Variants in TRAPPC9 observed in about 807,000 individuals in gnomAD.
TRAPPC9 encodes IKK2 binding protein.
A neutral mutation model predicts 124.0 loss-of-function variants in TRAPPC9; 83 were observed. The observed-to-expected ratio is 0.67, with a 90% CI of 0.56 to 0.80. The LOEUF (loss-of-function observed/expected upper bound fraction) is 0.80, where lower values mean the gene tolerates loss of function less well. Among genes scored for constraint, TRAPPC9 ranks in the 30% least tolerant of loss-of-function variants. The pLI is 0.00. For synonymous variants in TRAPPC9, 638 were observed against 617.5 expected (o/e 1.03, Z -0.49); for missense variants, 1,302 against 1,508.3 (o/e 0.86, Z 2.27).
chr8:140,022,720 C>T (rs545795317), intron 18 of TRAPPC9, among the ~76,000 whole-genome samples: 1 of 152,312 alleles, frequency 6.6e-6, no homozygotes, highest in South Asian at 2.1e-4. Flanking sequence ...GGCCAAGCTT[C>T]CCCAGGGGCA....
intron 21 of TRAPPC9, among the ~76,000 whole-genome samples, chr8:139,761,371 CT>C (rs1820206806): frequency 6.6e-6 from 1 of 152,300 alleles, no homozygotes; most frequent in East Asian, 1.9e-4. Context: ...GGACATGAAG[CT>C]TGTTTAATCC....
chr8:140,444,211 C>CAA (rs35984317), intron 2 of TRAPPC9, among the ~76,000 whole-genome samples: 168 of 66,648 alleles, frequency 2.5e-3, no homozygotes, highest in Admixed American at 3.3e-3. Flanking sequence ...GACTCTGTCT[C>CAA]AAAAAAAAAA....
At chr8:139,821,274 G>A (rs1285112688) in intron 21 of TRAPPC9, among the ~76,000 whole-genome samples, 2 of 152,256 alleles carry the variant, frequency 1.3e-5, no homozygotes, top group African/African-American at 4.8e-5. Context: ...GCAACAATGT[G>A]TTTCATTCGG....
intron 17 of TRAPPC9, among the ~76,000 whole-genome samples, chr8:140,173,572 A>T (rs1237508706): frequency 1.3e-5 from 2 of 151,856 alleles, no homozygotes; most frequent in Non-Finnish European, 2.9e-5. Flanking sequence ...AAAAAAAAAA[A>T]AATCTTCTGG....
intron 7 of TRAPPC9, among the ~76,000 whole-genome samples, chr8:140,383,275 C>G: frequency 6.6e-6 from 1 of 152,212 alleles, no homozygotes; most frequent in East Asian, 1.9e-4. Context: ...TCCAAAGGAA[C>G]ACAGCTCCTC....
chr8:140,223,822 G>A (rs1295184749), intron 16 of TRAPPC9, among the ~76,000 whole-genome samples: 1 of 151,720 alleles, frequency 6.6e-6, no homozygotes, highest in Non-Finnish European at 1.5e-5. Flanking sequence ...TTTTCAGGAT[G>A]ACAAACAATA....
chr8:140,432,595 G>A (rs982960000), intron 4 of TRAPPC9, among the ~76,000 whole-genome samples: 2 of 152,256 alleles, frequency 1.3e-5, no homozygotes, highest in Admixed American at 6.5e-5. Flanking sequence ...ACGTCTGGCC[G>A]GGCACAGTGG....
At chr8:140,171,596 T>C (rs2061964203) in intron 17 of TRAPPC9, among the ~76,000 whole-genome samples, 1 of 152,130 alleles carries the variant, frequency 6.6e-6, no homozygotes, top group South Asian at 2.1e-4. Flanking sequence ...AAAGTACCTG[T>C]CGAGTCAAAG....
intron 16 of TRAPPC9, among the ~76,000 whole-genome samples, chr8:140,224,882 T>C (rs996401136): frequency 6.6e-6 from 1 of 152,248 alleles, no homozygotes; most frequent in East Asian, 1.9e-4. Context: ...CTCCTGCTGA[T>C]CTGTATACAT....
chr8:140,272,899 C>T (rs1474697159), intron 15 of TRAPPC9, among the ~76,000 whole-genome samples: 1 of 150,274 alleles, frequency 6.7e-6, no homozygotes, highest in Non-Finnish European at 1.5e-5. Flanking sequence ...GGGGATGATA[C>T]TTCAACATGA....
chr8:140,367,088 G>A (rs1308600286), intron 8 of TRAPPC9, among the ~76,000 whole-genome samples: 1 of 152,204 alleles, frequency 6.6e-6, no homozygotes, highest in Admixed American at 6.5e-5. Flanking sequence ...TGGCAAGGAT[G>A]TGGAGCAGCA....
At position 140,104,625 on chromosome 8, in the gene TRAPPC9, C is replaced by T. The variant is rs886957983; in HGVS notation, c.2557-80546G>A. 4.6e-5 allele frequency among the ~76,000 whole-genome samples: 7 copies of T among 152,124 alleles called. No individual in the cohort carries two copies. Among genetic ancestry groups the T allele is most frequent in the African/African-American group, 1.7e-4 (7 of 41,414 alleles). On this transcript the variant is annotated intron_variant, in intron 17 of 22. Transcript: ENST00000438773. This position sits in a 1 kb window ranked among gnomAD's most constrained non-coding sequence, Gnocchi z 4.0. The stretch of plus-strand genomic sequence containing the variant: ...CAGCTCTGAGGCAGGGAGATGACAA[C>T]GCAGGCGGCAGGAATGCTGCGTCAC...
intron 15 of TRAPPC9, among the ~76,000 whole-genome samples, chr8:140,268,396 G>A (rs2064761705): frequency 6.6e-6 from 1 of 152,140 alleles, no homozygotes. Context: ...CTCCCTTTGT[G>A]TATTTTGGAA....
At chr8:139,739,271 T>G (rs1323780396) in intron 21 of TRAPPC9, among the ~76,000 whole-genome samples, 1 of 152,146 alleles carries the variant, frequency 6.6e-6, no homozygotes, top group African/African-American at 2.4e-5. Context: ...GCCCATGCAG[T>G]TGGGCCTCTG....
At chr8:140,443,119 G>A (rs1381162364) in intron 2 of TRAPPC9, among the ~76,000 whole-genome samples, 2 of 89,410 alleles carry the variant, frequency 2.2e-5, no homozygotes, top group Non-Finnish European at 2.1e-5. Context: ...GCAACGGAGC[G>A]AGACTCCATC....
chr8:139,970,643 G>A (rs77713970), intron 19 of TRAPPC9, among the ~76,000 whole-genome samples: 5,044 of 152,230 alleles, frequency 0.033, 287 homozygotes, highest in African/African-American at 0.11. Context: ...TTTTCCAGGT[G>A]CCTTACAGGG....
intron 17 of TRAPPC9, among the ~76,000 whole-genome samples, chr8:140,160,793 AT>A (rs2061739108): frequency 1.3e-5 from 2 of 151,618 alleles, no homozygotes; most frequent in Admixed American, 6.6e-5. Flanking sequence ...TTAAAGTATA[AT>A]AAAAATAAAT....
intron 15 of TRAPPC9, among the ~76,000 whole-genome samples, chr8:140,254,336 C>T (rs550056377): frequency 5.3e-5 from 8 of 152,298 alleles, no homozygotes; most frequent in African/African-American, 9.6e-5. Flanking sequence ...CCTGGGGAGC[C>T]GGGGGCAGCC....
intron 19 of TRAPPC9, among the ~76,000 whole-genome samples, chr8:139,947,044 T>C (rs1218101976): frequency 6.6e-6 from 1 of 152,102 alleles, no homozygotes; most frequent in African/African-American, 2.4e-5. Flanking sequence ...AGAAAGGTTT[T>C]CACACCCTGC....
Sources: allele counts gnomAD v4.1 joint callset (sites outside exome capture counted in the v4.1 genomes callset), GRCh38; gene constraint gnomAD v4.1.1; non-coding constraint Gnocchi (gnomAD v3.1); transcripts MANE v1.5; gene names NCBI Gene and HGNC (gene_info 2026-07-23, HGNC 2026-07-21).